Variants in LIMK2 observed in about 807,000 individuals in gnomAD.
The protein encoded by LIMK2 is LIM domain kinase 2.
In LIMK2, 35 loss-of-function variants were observed where a neutral mutation model predicts 75.7. The ratio of observed to expected loss-of-function variants is 0.46; its 90% CI spans 0.35 to 0.61. The LOEUF (loss-of-function observed/expected upper bound fraction) is 0.61. LIMK2 is among the 20% of genes least tolerant of loss of function. LIMK2 has a pLI of 0.00. For missense variants in LIMK2, 623 were observed against 831.0 expected (o/e 0.75, Z 3.08); for synonymous variants, 301 against 319.2 (o/e 0.94, Z 0.61).
chr22:31,234,815 C>T (rs1002877461), intron 2 of LIMK2, among the ~76,000 whole-genome samples: 1 of 152,084 alleles, frequency 6.6e-6, no homozygotes, highest in African/African-American at 2.4e-5. Flanking sequence ...CTCCTGCTCC[C>T]TGCACTTCAG....
chr22:31,277,589 C>G (rs557262825), intron 15 of LIMK2: 1 of 958,782 alleles, frequency 1.0e-6, no homozygotes, highest in African/African-American at 1.8e-5. Context: ...TCTAATACCT[C>G]TTGTCATTCT....
Position 31,231,879 on chromosome 22 carries a change from C to A in LIMK2, c.116+6060C>A, listed in dbSNP as rs1023988051. Among the ~76,000 whole-genome samples the A allele has an allele frequency of 2.6e-5, 4 of 152,188 alleles. No homozygotes were observed. In the South Asian group the frequency reaches 8.3e-4, roughly 32 times the overall value. ...TTGTCCAGGCTACAGTGCACTGGTA[C>A]AATCATAGTTCACTGCAGTGTCAAC... is the stretch of plus-strand genomic sequence containing the variant. On this transcript the variant is annotated intron_variant, in intron 2 of 15. Coordinates refer to ENST00000331728, the MANE Select transcript of LIMK2 (RefSeq NM_005569.4).
intron 1 of LIMK2, among the ~76,000 whole-genome samples, chr22:31,224,496 G>A (rs1267150482): frequency 6.6e-6 from 1 of 152,170 alleles, no homozygotes; most frequent in Admixed American, 6.5e-5. Context: ...CCACCACTTA[G>A]CTAGTCAACC....
chr22:31,233,817 C>G (rs1449953705), intron 2 of LIMK2, among the ~76,000 whole-genome samples: 1 of 152,166 alleles, frequency 6.6e-6, no homozygotes, highest in Non-Finnish European at 1.5e-5. Context: ...TCTCTCTCAT[C>G]CTGCATATCC....
Position 31,260,048 on chromosome 22 carries a change from C to A in LIMK2, c.522C>A (p.Ser174=). ...CCGTGTCCGTGGAGAGTGCCTGCTC[C>A]AACTACGCCACCACTGTGCAAGTGA... The part of the protein sequence containing the change: ...GFSVSVESAC[S]NYATTVQVKE... The change falls in exon 5 of 16, where the codon TCC becomes TCA. Residue 174 remains serine (S), a synonymous_variant. Transcript: ENST00000331728. 6.3e-7 allele frequency: 1 copy of A among 1,598,306 alleles called. No individual in the cohort carries two copies.
intron 2 of LIMK2, among the ~76,000 whole-genome samples, chr22:31,242,062 A>G (rs1210486027): frequency 4.6e-5 from 7 of 152,178 alleles, no homozygotes; most frequent in Admixed American, 4.6e-4. Flanking sequence ...ATTGCTGGGT[A>G]TGTTGAGTTC....
At chr22:31,236,324 A>G (rs1354368162) in intron 2 of LIMK2, among the ~76,000 whole-genome samples, 2 of 148,700 alleles carry the variant, frequency 1.3e-5, no homozygotes, top group African/African-American at 5.0e-5. Context: ...AACTGGAGAT[A>G]CAGGCTGGGT....
chr22:31,277,190 C>T (rs1389165802), intron 15 of LIMK2: 2 of 1,610,696 alleles, frequency 1.2e-6, no homozygotes, highest in South Asian at 1.1e-5. Flanking sequence ...ATCGCTACCC[C>T]CCGACCTCGT....
rs35909225 is a variant in LIMK2 at position 31,234,719 on chromosome 22, CAA to C, written c.116+8922_116+8923del. On this transcript the variant is annotated intron_variant, in intron 2 of 15. Transcript: ENST00000331728. The stretch of plus-strand genomic sequence containing the variant: ...CTGGTGACAGAGTAAGACTCCATCT[CAA>C]AAAAAAAAAAAAAAAAAAAAATTCC... Among the ~76,000 whole-genome samples, 262 of 68,428 alleles carry C rather than the reference CAA, an allele frequency of 3.8e-3. 2 individuals carry two copies. Among genetic ancestry groups the C allele is most frequent in the African/African-American group, 0.011 (224 of 20,784 alleles). The allele number at this position is 68,428 out of a possible 152,430, so 44.9% of individuals were successfully genotyped here.
chr22:31,237,715 G>A (rs2048591344), intron 2 of LIMK2, among the ~76,000 whole-genome samples: 1 of 152,026 alleles, frequency 6.6e-6, no homozygotes, highest in South Asian at 2.1e-4. Context: ...TACTAGAGAG[G>A]CAAATGTCTG....
chr22:31,238,838 G>A (rs1173697057), intron 2 of LIMK2, among the ~76,000 whole-genome samples: 3 of 152,152 alleles, frequency 2.0e-5, no homozygotes, highest in Non-Finnish European at 4.4e-5. Context: ...CCTGCCAGAC[G>A]AGGGCTTTTT....
chr22:31,228,159 G>GT (rs1294262576), intron 2 of LIMK2, among the ~76,000 whole-genome samples: 1 of 152,160 alleles, frequency 6.6e-6, no homozygotes, highest in Non-Finnish European at 1.5e-5. Flanking sequence ...GCTCACGCCT[G>GT]TAATCCCAGC....
intron 3 of LIMK2, chr22:31,258,633 G>C: frequency 3.7e-6 from 2 of 544,066 alleles, no homozygotes; most frequent in Non-Finnish European, 3.3e-6. Context: ...ATAGTTGAAC[G>C]TTGGGAGTGG....
chr22:31,246,685 C>T (rs922490900), intron 2 of LIMK2, among the ~76,000 whole-genome samples: 2 of 148,178 alleles, frequency 1.3e-5, no homozygotes, highest in South Asian at 2.1e-4. Flanking sequence ...TCCAGAAGGT[C>T]GAGGTCAAGA....
chr22:31,239,398 T>C (rs2048605781), intron 2 of LIMK2, among the ~76,000 whole-genome samples: 1 of 152,256 alleles, frequency 6.6e-6, no homozygotes. Context: ...GCTGCCCATA[T>C]GTGCCATGCA....
chr22:31,271,561 C>T (rs1030975520), intron 12 of LIMK2, among the ~76,000 whole-genome samples: 1 of 152,184 alleles, frequency 6.6e-6, no homozygotes, highest in Admixed American at 6.5e-5. Context: ...CCTGAAGCCT[C>T]AGCCTGAGGC....
chr22:31,233,857 T>A (rs1241657322), intron 2 of LIMK2, among the ~76,000 whole-genome samples: 1 of 152,114 alleles, frequency 6.6e-6, no homozygotes, highest in East Asian at 1.9e-4. Context: ...CTAAATTATA[T>A]TTTGGTAGGT....
intron 14 of LIMK2, 95 bp from the exon 15 acceptor site, chr22:31,275,056 C>A: frequency 8.3e-7 from 1 of 1,207,598 alleles, no homozygotes; most frequent in Non-Finnish European, 1.2e-6. Context: ...TCCTCTTCTG[C>A]CATTCTTCCT....
At chr22:31,248,187 C>T (rs1444108039) in intron 2 of LIMK2, among the ~76,000 whole-genome samples, 1 of 152,182 alleles carries the variant, frequency 6.6e-6, no homozygotes, top group East Asian at 1.9e-4. Context: ...TCAATTGGTC[C>T]CAGTTATTGT....
Sources: allele counts gnomAD v4.1 joint callset (sites outside exome capture counted in the v4.1 genomes callset), GRCh38; gene constraint gnomAD v4.1.1; transcripts MANE v1.5; gene names NCBI Gene and HGNC (gene_info 2026-07-23, HGNC 2026-07-21).